DNAH8: variants seen among roughly 807,000 people sequenced by gnomAD.
DNAH8 encodes the protein axonemal beta dynein heavy chain 8.
In DNAH8, 382 loss-of-function variants were observed where a neutral mutation model predicts 562.1. The observed-to-expected ratio is 0.68, with a 90% confidence interval of 0.63 to 0.74. The LOEUF is 0.74. Among genes scored for constraint, DNAH8 ranks in the 30% least tolerant of loss-of-function variants. The probability of loss-of-function intolerance (pLI) is 0.00; values close to 1 mark genes in which losing one functional copy is unlikely to be tolerated. For missense variants in DNAH8, 5,203 were observed against 5,620.4 expected (o/e 0.93, Z 2.37); for synonymous variants, 1,881 against 1,919.4 (o/e 0.98, Z 0.52).
intron 21 of DNAH8, among the ~76,000 whole-genome samples, chr6:38,801,980 G>A (rs1208785301): frequency 6.6e-6 from 1 of 151,596 alleles, no homozygotes; most frequent in Non-Finnish European, 1.5e-5. Context: ...GTCTTGCTCT[G>A]TTGCCCAGGC....
chr6:38,975,723 C>T (rs1365743841), intron 85 of DNAH8, among the ~76,000 whole-genome samples: 2 of 152,214 alleles, frequency 1.3e-5, no homozygotes, highest in Non-Finnish European at 2.9e-5. Flanking sequence ...AAGCCTATTT[C>T]ATACATTCTT....
At chr6:38,735,281 A>T (rs1473704087) in intron 5 of DNAH8, among the ~76,000 whole-genome samples, 1 of 152,168 alleles carries the variant, frequency 6.6e-6, no homozygotes, top group African/African-American at 2.4e-5. Context: ...ATTCTTAGAG[A>T]GTCTTAATAC....
chr6:38,960,402 CACAA>C (rs1247673120), intron 82 of DNAH8, among the ~76,000 whole-genome samples: 1 of 130,690 alleles, frequency 7.7e-6, no homozygotes, highest in Non-Finnish European at 1.6e-5. Context: ...ATATAAGTAA[CACAA>C]ACAACTCAAT....
chr6:38,903,417 G>A (rs940597265), intron 62 of DNAH8, among the ~76,000 whole-genome samples: 7 of 151,892 alleles, frequency 4.6e-5, no homozygotes, highest in Non-Finnish European at 7.4e-5. Flanking sequence ...TGAACTCAGA[G>A]TTAGAACTCA....
chr6:38,930,946 A>G (rs1782509389), intron 75 of DNAH8, among the ~76,000 whole-genome samples: 2 of 152,012 alleles, frequency 1.3e-5, no homozygotes, highest in Admixed American at 1.3e-4. Context: ...CCACTGTTCT[A>G]TTCTCTGCTT....
In DNAH8 at chr6:38,829,532, G is replaced by A. The variant is rs532415934; in HGVS notation, c.4188+1244G>A. Reference sequence around the variant, plus strand: ...TGCATATGGTATAAGTTAGGGATTCGACTTCATATAAAAGCATGTAGATAA... The same window carrying A: ...TGCATATGGTATAAGTTAGGGATTCAACTTCATATAAAAGCATGTAGATAA... On this transcript the variant is annotated intron_variant, in intron 30 of 92. Transcript: ENST00000327475. Among the ~76,000 whole-genome samples the A allele has an allele frequency of 2.3e-3, 354 of 152,218 alleles. 3 individuals are homozygous for A. Among genetic ancestry groups the A allele is most frequent in the Non-Finnish European group, 8.4e-4 (57 of 68,000 alleles).
intron 58 of DNAH8, among the ~76,000 whole-genome samples, chr6:38,891,926 C>T (rs1031759338): frequency 6.6e-6 from 1 of 152,256 alleles, no homozygotes; most frequent in East Asian, 1.9e-4. Flanking sequence ...TCAAGGCCAC[C>T]AAAGACCTTG....
Position 38,860,448 on chromosome 6 carries a change from G to T in DNAH8, c.5959-9G>T. ...AGTATATAATTTTTTTGTATTTTAT[G>T]TTTTTAAGGTAAAAATGCATATCAA... is the stretch of plus-strand genomic sequence containing the variant. On this transcript the variant is annotated splice_polypyrimidine_tract_variant and intron_variant, in intron 42 of 92. Coordinates refer to ENST00000327475, the MANE Select transcript of DNAH8 (RefSeq NM_001206927.2). The T allele has an allele frequency of 7.2e-7, 1 of 1,390,494 alleles. No individual in the cohort carries two copies. 86.1% of individuals were successfully genotyped at this position (1,390,494 alleles called of 1,614,324 possible). A position where few individuals can be genotyped will look rare whatever the true frequency, so the allele number is the denominator to read the frequency against.
At chr6:38,914,295 A>G (rs927425950) in intron 67 of DNAH8, among the ~76,000 whole-genome samples, 1 of 150,110 alleles carries the variant, frequency 6.7e-6, no homozygotes, top group Admixed American at 6.6e-5. Context: ...GCCCAAATCG[A>G]GGAAGAGTTG....
At chr6:38,962,598 A>G (rs1251476757) in intron 82 of DNAH8, among the ~76,000 whole-genome samples, 1 of 152,176 alleles carries the variant, frequency 6.6e-6, no homozygotes, top group African/African-American at 2.4e-5. Context: ...TAAAAGTTTT[A>G]CCTCACATTA....
intron 3 of DNAH8, among the ~76,000 whole-genome samples, chr6:38,726,812 G>A (rs1313216748): frequency 6.6e-5 from 10 of 151,502 alleles, no homozygotes; most frequent in African/African-American, 2.2e-4. Context: ...GGTGTGGTGC[G>A]GTTTAGGAAA....
At chr6:38,975,220 T>C (rs551399452) in intron 85 of DNAH8, among the ~76,000 whole-genome samples, 1 of 152,220 alleles carries the variant, frequency 6.6e-6, no homozygotes, top group Non-Finnish European at 1.5e-5. Context: ...TACGATTTTT[T>C]AAATTATTGT....
chr6:38,854,920 A>G (rs9470935), intron 41 of DNAH8, among the ~76,000 whole-genome samples: 8,450 of 148,808 alleles, frequency 0.057, 285 homozygotes, highest in African/African-American at 0.066. Flanking sequence ...GTATTTTTAC[A>G]ATGTATATAA....
intron 1 of DNAH8, among the ~76,000 whole-genome samples, chr6:38,720,140 A>G (rs1161633761): frequency 6.6e-6 from 1 of 152,174 alleles, no homozygotes; most frequent in East Asian, 1.9e-4. Context: ...CTAATGGGAA[A>G]AGTGAGATTG....
At chr6:39,020,993 C>T (rs572770602) in intron 91 of DNAH8, among the ~76,000 whole-genome samples, 8 of 152,304 alleles carry the variant, frequency 5.3e-5, no homozygotes, top group African/African-American at 1.4e-4. Context: ...GTGCATGTGT[C>T]TTTATAGCAG....
intron 7 of DNAH8, among the ~76,000 whole-genome samples, chr6:38,738,719 G>A (rs560120236): frequency 3.3e-5 from 5 of 152,092 alleles, no homozygotes; most frequent in Admixed American, 6.6e-5. Context: ...TACCTTTCTA[G>A]AACTATGTTA....
Position 38,828,220 on chromosome 6 carries a change from G to A in DNAH8, c.4120G>A (p.Val1374Ile). Reference sequence around the variant, plus strand: ...TATTTTAAACAGATTTGAAGTTGAAGTAACCAAAGAAGAATCAGAAGCAGT... The same window carrying A: ...TATTTTAAACAGATTTGAAGTTGAAATAACCAAAGAAGAATCAGAAGCAGT... ...YAILNRFEVEVTKEESEAVDT... is the reference protein window; with the variant it reads ...YAILNRFEVEITKEESEAVDT... Residue 1374 changes from valine to isoleucine, a missense_variant, in exon 30 of 93, where the codon GTA (valine) becomes ATA (isoleucine). Coordinates refer to ENST00000327475, the MANE Select transcript of DNAH8 (RefSeq NM_001206927.2). 6.3e-7 allele frequency: 1 copy of A among 1,596,306 alleles called. No individual in the cohort carries two copies. The highest frequency in any genetic ancestry group is 8.5e-7 in the Non-Finnish European group (1 of 1,173,056).
chr6:39,022,440 G>A (rs1054767831), intron 91 of DNAH8, among the ~76,000 whole-genome samples: 1 of 152,180 alleles, frequency 6.6e-6, no homozygotes, highest in Admixed American at 6.5e-5. Flanking sequence ...GAGCTGGGGG[G>A]TCCAGGCTTG....
Position 38,729,973 on chromosome 6 carries a change from T to C in DNAH8, c.597T>C (p.Asp199=), listed in dbSNP as rs771905434. The C allele has an allele frequency of 6.4e-7, 1 of 1,572,476 alleles. No homozygotes were observed. Among genetic ancestry groups the C allele is most frequent in the Non-Finnish European group, 8.7e-7 (1 of 1,145,644 alleles). The change falls in exon 4 of 93, where the codon GAT becomes GAC. Residue 199 remains aspartate (D), a synonymous_variant. Transcript: ENST00000327475. ...KTLKFLYQEG[D]VPGIECGRTI... ...TGAAATTTTTGTACCAAGAAGGAGA[T>C]GTACCTGGTATTGGTAAGAATTTTC...
Sources: gnomAD v4.1 joint callset for allele counts (sites outside exome capture counted in the v4.1 genomes callset) on GRCh38, gnomAD v4.1.1 for gene constraint, MANE v1.5 for transcripts, NCBI Gene and HGNC (gene_info 2026-07-23, HGNC 2026-07-21) for gene names.